Variants in SPTBN5 observed in about 807,000 individuals in gnomAD.
SPTBN5 encodes the protein spectrin beta, non-erythrocytic 5, also known as spectrin beta chain, non-erythrocytic 5.
SPTBN5 carries 513 observed loss-of-function variants against 477.6 expected under a neutral mutation model. That is an observed-to-expected ratio of 1.07 (90% CI 1.00 to 1.16). SPTBN5 has a LOEUF of 1.16. SPTBN5 is among the 50% of genes most tolerant of loss of function. SPTBN5 has a pLI of 0.00. For synonymous variants in SPTBN5, 2,169 were observed against 2,011.7 expected (o/e 1.08, Z -2.09); for missense variants, 5,062 against 4,731.8 (o/e 1.07, Z -2.05).
rs1401160219 is a variant in SPTBN5, at chr15:41,883,061, C to T, written c.1827G>A (p.Val609=). 7.6e-6 allele frequency: 12 copies of T among 1,582,744 alleles called. No homozygotes were observed. Among genetic ancestry groups the T allele is most frequent in the Non-Finnish European group, 9.4e-6 (11 of 1,165,200 alleles). The change falls in exon 9 of 68, where the codon GTG becomes GTA. Residue 609 remains valine (V), a synonymous_variant. Coordinates refer to ENST00000320955, the MANE Select transcript of SPTBN5 (RefSeq NM_016642.4). The part of the protein sequence containing the change: ...LDSSLGTSVE[V]LQAKARTLAQ... The stretch of plus-strand genomic sequence containing the variant: ...CCAGTGTCCTGGCCTTGGCCTGCAG[C>T]ACCTCCACACTGGTGCCCAGGGAGG...
At position 41,853,965 on chromosome 15, in the gene SPTBN5, G is replaced by C; in HGVS notation, c.9774+85C>G. ...TCTGGAGAAGAGGCTGAAGCAGGCT[G>C]GGGTGGGAGGGCTGAGATAGGTCCC... On this transcript the variant is annotated intron_variant, in intron 57 of 67. Transcript: ENST00000320955. The C allele has an allele frequency of 3.4e-6, 5 of 1,474,548 alleles. No individual in the cohort carries two copies. In the South Asian group the frequency reaches 6.6e-5, roughly 20 times the overall value. The allele number at this position is 1,474,548 out of a possible 1,614,324, so 91.3% of individuals were successfully genotyped here.
At chr15:41,853,219 T>G (rs2065830878) in intron 59 of SPTBN5, 39 bp downstream of exon 59, 1 of 1,553,092 alleles carries the variant, frequency 6.4e-7, no homozygotes, top group African/African-American at 1.4e-5. Flanking sequence ...TCAGGCTGTA[T>G]CCCCAGCCCA....
At chr15:41,860,144 T>C (rs1381850177) in intron 47 of SPTBN5, among the ~76,000 whole-genome samples, 1 of 152,146 alleles carries the variant, frequency 6.6e-6, no homozygotes, top group African/African-American at 2.4e-5. Flanking sequence ...AGTGCTTTCG[T>C]CCTCATCACA....
At chr15:41,874,109 G>C in intron 24 of SPTBN5, 64 bp from the exon 25 acceptor site, 1 of 1,526,700 alleles carries the variant, frequency 6.6e-7, no homozygotes, top group East Asian at 2.4e-5. Flanking sequence ...CAGAGCCATG[G>C]ATGTGGCTCC....
intron 29 of SPTBN5, 51 bp from the exon 30 acceptor site, chr15:41,870,611 C>T: frequency 6.7e-7 from 1 of 1,487,754 alleles, no homozygotes; most frequent in Non-Finnish European, 9.2e-7. Context: ...CGGGCCGTGT[C>T]ATTCCTCCCT....
In SPTBN5 at chr15:41,862,802, C is replaced by T. The variant is rs761880119; in HGVS notation, c.7251G>A (p.Gln2417=). Residue 2417 remains glutamine, a synonymous_variant, in exon 42 of 68, where the codon CAG becomes CAA. Transcript: ENST00000320955. The part of the protein sequence containing the change: ...EELEREVHPI[Q]AQVESLEREV... ...GCCAGCTACGCACCTCCACCTGGGCCTGGATGGGGTGCACTTCCCGCTCCA... is the reference window on the plus strand; with the variant it reads ...GCCAGCTACGCACCTCCACCTGGGCTTGGATGGGGTGCACTTCCCGCTCCA... 67 of 1,574,280 alleles carry T rather than the reference C, an allele frequency of 4.3e-5. No individual in the cohort carries two copies. Among genetic ancestry groups the T allele is most frequent in the Non-Finnish European group, 5.7e-5 (66 of 1,161,284 alleles).
At position 41,848,158 on chromosome 15, in the gene SPTBN5, A is replaced by G; in HGVS notation, c.*458T>C. The G allele has an allele frequency of 1.8e-6, 1 of 544,862 alleles. No individual in the cohort carries two copies. The highest frequency in any genetic ancestry group is 2.1e-5 in the South Asian group (1 of 47,250). 33.8% of individuals were successfully genotyped at this position (544,862 alleles called of 1,614,324 possible). Reference sequence around the variant, plus strand: ...ACTCATACAAATGTGAGGCGCTGAGACCATCTGTTATTACTGCTGAGAAGG... The same window carrying G: ...ACTCATACAAATGTGAGGCGCTGAGGCCATCTGTTATTACTGCTGAGAAGG... On this transcript the variant is annotated 3_prime_UTR_variant, in exon 68 of 68. Coordinates refer to ENST00000320955, the MANE Select transcript of SPTBN5 (RefSeq NM_016642.4).
At chr15:41,862,441 G>A (rs2066144358) in intron 43 of SPTBN5, 98 bp downstream of exon 43, 1 of 1,524,460 alleles carries the variant, frequency 6.6e-7, no homozygotes, top group East Asian at 2.3e-5. Context: ...TTTGAAGGGT[G>A]GAGAAGGAAT....
chr15:41,852,770 G>GGGC (rs758964648), intron 60 of SPTBN5, 35 bp from the exon 61 acceptor site: 6 of 864,734 alleles, frequency 6.9e-6, no homozygotes, highest in Non-Finnish European at 9.3e-6. Flanking sequence ...CGCCCAGCTT[G>GGGC]GGGGGGGGGG....
rs780180752 is a variant in SPTBN5 at position 41,869,833 on chromosome 15, G to C, written c.5853+8C>G. ...CACACACACCACCCAAAGGGCAGGA[G>C]CCCTCACCGCCGTGCGGAAGCGGGC... is the stretch of plus-strand genomic sequence containing the variant. On this transcript the variant is annotated splice_region_variant and intron_variant, in intron 32 of 67. Transcript: ENST00000320955. 6.5e-7 allele frequency: 1 copy of C among 1,548,936 alleles called. No individual in the cohort carries two copies. Among genetic ancestry groups the C allele is most frequent in the Admixed American group, 2.0e-5 (1 of 49,356 alleles).
rs1421941861 is a variant in SPTBN5, at chr15:41,871,437, C to G, written c.5385G>C (p.Glu1795Asp). Reference sequence around the variant, plus strand: ...CACTGTGCCCACGCTCTAGCAGGCTCTCCGCCAGCAGCCGGCAGGCGGCCA... The same window carrying G: ...CACTGTGCCCACGCTCTAGCAGGCTGTCCGCCAGCAGCCGGCAGGCGGCCA... ...QRVAACRLLA[E>D]SLLERGHSAG... Residue 1795 changes from glutamate to aspartate, a missense_variant, in exon 29 of 68, where the codon GAG (glutamate) becomes GAC (aspartate). Physicochemically the swap from Glu to Asp is conservative, Grantham distance 45. Transcript: ENST00000320955. The G allele has an allele frequency of 6.5e-7, 1 of 1,543,900 alleles. No individual in the cohort carries two copies. Among genetic ancestry groups the G allele is most frequent in the East Asian group, 2.5e-5 (1 of 40,442 alleles).
At position 41,866,175 on chromosome 15, in the gene SPTBN5, G is replaced by T; in HGVS notation, c.6685C>A (p.Arg2229=). The change falls in exon 38 of 68, where the codon CGG becomes AGG. Residue 2229 remains arginine, a synonymous_variant. Coordinates refer to ENST00000320955, the MANE Select transcript of SPTBN5 (RefSeq NM_016642.4). ...CAGTGCTTCCGCAGGCCCTGCAGCC[G>T]CTGGGAGACCTCTCCGGCTCGAGGG... ...SHPRAGEVSQ[R]LQGLRKHWED... 7 of 1,572,096 alleles carry T rather than the reference G, an allele frequency of 4.5e-6. No homozygotes were observed. The highest frequency in any genetic ancestry group is 6.0e-6 in the Non-Finnish European group (7 of 1,160,378).
intron 56 of SPTBN5, 54 bp downstream of exon 56, chr15:41,854,728 G>A (rs1595444606): frequency 1.4e-6 from 2 of 1,429,178 alleles, no homozygotes; most frequent in Non-Finnish European, 1.9e-6. Context: ...GGCTTAGAGG[G>A]ATTTTTTGAA....
Position 41,851,742 on chromosome 15 carries a change from G to A in SPTBN5, c.10656+37C>T, listed in dbSNP as rs764583279. 2.0e-6 allele frequency: 3 copies of A among 1,528,896 alleles called. No homozygotes were observed. In the South Asian group the frequency reaches 3.4e-5, roughly 17 times the overall value. The allele number at this position is 1,528,896 out of a possible 1,614,324, so 94.7% of individuals were successfully genotyped here. ...GAGCCACTCAAGTGCTGCTGCAAGTGGGGAGCTGCCTGGAGAAGGAATCTC... is the reference window on the plus strand; with the variant it reads ...GAGCCACTCAAGTGCTGCTGCAAGTAGGGAGCTGCCTGGAGAAGGAATCTC... On this transcript the variant is annotated intron_variant, in intron 63 of 67. Coordinates refer to ENST00000320955, the MANE Select transcript of SPTBN5 (RefSeq NM_016642.4).
At chr15:41,850,000 C>G (rs960305296) in intron 66 of SPTBN5, 41 bp from the exon 67 acceptor site, 1 of 1,505,418 alleles carries the variant, frequency 6.6e-7, no homozygotes, top group South Asian at 1.2e-5. Flanking sequence ...CCGGCCCAGA[C>G]CATCTGCAGG....
chr15:41,855,002 G>A (rs1595445212), intron 55 of SPTBN5, 26 bp from the exon 56 acceptor site: 2 of 1,517,136 alleles, frequency 1.3e-6, no homozygotes, highest in East Asian at 2.3e-5. Context: ...GCCCAGCAGG[G>A]TCACTTGAGA....
intron 66 of SPTBN5, 81 bp downstream of exon 66, chr15:41,850,773 G>A (rs955487971): frequency 2.5e-6 from 3 of 1,208,628 alleles, no homozygotes; most frequent in African/African-American, 3.0e-5. Flanking sequence ...ACCTCCCTAG[G>A]ATGCATAAAA....
chr15:41,880,016 A>G, intron 14 of SPTBN5, 144 bp downstream of exon 14: 1 of 1,403,830 alleles, frequency 7.1e-7, no homozygotes, highest in Non-Finnish European at 9.5e-7. Flanking sequence ...CTTAAGGGCC[A>G]GGAGGCCCTC....
Position 41,881,978 on chromosome 15 carries a change from C to T in SPTBN5, c.2415G>A (p.Glu805=). The part of the protein sequence containing the change: ...RAFAAELRRL[E]EQGRAASARA... Reference sequence around the variant, plus strand: ...GGGCCGAGGCCGCCCGCCCCTGCTCCTCCAGCCGCCGCAGCTCGGCCGCGA... The same window carrying T: ...GGGCCGAGGCCGCCCGCCCCTGCTCTTCCAGCCGCCGCAGCTCGGCCGCGA... Residue 805 remains glutamate (E), a synonymous_variant, in exon 12 of 68, where the codon GAG becomes GAA. Coordinates refer to ENST00000320955, the MANE Select transcript of SPTBN5 (RefSeq NM_016642.4). 6.5e-7 allele frequency: 1 copy of T among 1,540,114 alleles called. No individual in the cohort carries two copies. The highest frequency in any genetic ancestry group is 1.2e-5 in the South Asian group (1 of 84,712).
Sources: allele counts gnomAD v4.1 joint callset (sites outside exome capture counted in the v4.1 genomes callset), GRCh38; gene constraint gnomAD v4.1.1; transcripts MANE v1.5; gene names NCBI Gene and HGNC (gene_info 2026-07-23, HGNC 2026-07-21).